PARD3B: variants seen among roughly 807,000 people sequenced by gnomAD.
The protein encoded by PARD3B is par-3 family cell polarity regulator beta, also known as partitioning defective 3 homolog B.
In PARD3B, 103 loss-of-function variants were observed where a neutral mutation model predicts 130.2. The observed-to-expected ratio is 0.79, with a 90% confidence interval of 0.67 to 0.93. PARD3B has a LOEUF of 0.93. PARD3B is among the 40% of genes least tolerant of loss of function. The pLI, the probability that PARD3B is intolerant of heterozygous loss-of-function variation, is 0.00. For synonymous variants in PARD3B, 583 were observed against 553.2 expected, an observed-to-expected ratio of 1.05 and a Z score of -0.76; for missense variants, 1,609 against 1,499.2, an observed-to-expected ratio of 1.07 and a Z score of -1.21.
intron 2 of PARD3B, among the ~76,000 whole-genome samples, chr2:204,827,077 C>T (rs1461473117): frequency 6.6e-6 from 1 of 152,066 alleles, no homozygotes; most frequent in Non-Finnish European, 1.5e-5. Context: ...ATGTGAAGCT[C>T]ATTGAGTTTT....
At chr2:205,170,785 T>C (rs2035126620) in intron 11 of PARD3B, among the ~76,000 whole-genome samples, 3 of 148,452 alleles carry the variant, frequency 2.0e-5, no homozygotes. Context: ...TCATTTCTTT[T>C]TTTTTTCTTT....
At chr2:204,700,376 C>T (rs1335812722) in intron 2 of PARD3B, among the ~76,000 whole-genome samples, 1 of 151,932 alleles carries the variant, frequency 6.6e-6, no homozygotes, top group East Asian at 1.9e-4. Context: ...TAATTTTGTA[C>T]AGTGAAAATA....
intron 16 of PARD3B, among the ~76,000 whole-genome samples, chr2:205,259,183 G>A (rs1319546115): frequency 6.6e-6 from 1 of 152,034 alleles, no homozygotes; most frequent in Non-Finnish European, 1.5e-5. Context: ...ACTTCTCCAA[G>A]TATTTACCAA....
Position 205,281,454 on chromosome 2 carries a change from G to A in PARD3B, c.2186-19076G>A, listed in dbSNP as rs1384755725. Among the ~76,000 whole-genome samples, 1 of 152,160 alleles carries A rather than the reference G, an allele frequency of 6.6e-6. No individual in the cohort carries two copies. Among genetic ancestry groups the A allele is most frequent in the Non-Finnish European group, 1.5e-5 (1 of 68,020 alleles). ...TCTCTGAAAACGAAGTTGAAAGAAA[G>A]AGACCTTGTTCCAGTGAACAGTTAG... On this transcript the variant is annotated intron_variant, in intron 16 of 22. Coordinates refer to ENST00000406610, the MANE Select transcript of PARD3B (RefSeq NM_001302769.2). The surrounding 1 kb of genome is among the most constrained non-coding windows in gnomAD (Gnocchi z 4.2).
chr2:205,471,353 CTTTT>C (rs769669913), intron 20 of PARD3B, among the ~76,000 whole-genome samples: 1 of 85,436 alleles, frequency 1.2e-5, no homozygotes, highest in Non-Finnish European at 2.3e-5. Flanking sequence ...ACTCACTTTT[CTTTT>C]TTTTTTTTTT....
In PARD3B at chr2:205,351,993, GAGTAGTAAGCTCTTTTATA is replaced by G. The variant is rs1210920789; in HGVS notation, c.2631-49017_2631-48999del. Among the ~76,000 whole-genome samples, 1 of 152,116 alleles carries G rather than the reference GAGTAGTAAGCTCTTTTATA, an allele frequency of 6.6e-6. No individual in the cohort carries two copies. The highest frequency in any genetic ancestry group is 1.5e-5 in the Non-Finnish European group (1 of 68,026). On this transcript the variant is annotated intron_variant, in intron 18 of 22. Transcript: ENST00000406610. This position sits in a 1 kb window ranked among gnomAD's most constrained non-coding sequence, Gnocchi z 4.2. ...GTTTCAAAGAAAACCATTCTTTTTG[GAGTAGTAAGCTCTTTTATA>G]AGGCTGAAATAGATGTGGAGTATTT...
At chr2:205,038,379 C>A (rs573503351) in intron 3 of PARD3B, among the ~76,000 whole-genome samples, 5 of 152,210 alleles carry the variant, frequency 3.3e-5, no homozygotes, top group Non-Finnish European at 7.4e-5. Context: ...TTGCACCAAA[C>A]CTCCTCTGTC....
At chr2:205,152,454 A>C (rs1255671588) in intron 10 of PARD3B, among the ~76,000 whole-genome samples, 4 of 151,918 alleles carry the variant, frequency 2.6e-5, no homozygotes, top group Non-Finnish European at 5.9e-5. Context: ...GGCTTTGTTC[A>C]TTTCTTTTTA....
intron 15 of PARD3B, among the ~76,000 whole-genome samples, chr2:205,201,460 C>G (rs966376563): frequency 2.0e-5 from 3 of 152,054 alleles, no homozygotes; most frequent in Admixed American, 2.0e-4. Flanking sequence ...AGAAAGAGAC[C>G]ATCATATATT....
At chr2:205,526,092 C>T (rs866478676) in intron 21 of PARD3B, among the ~76,000 whole-genome samples, 7 of 152,342 alleles carry the variant, frequency 4.6e-5, no homozygotes, top group Middle Eastern at 3.4e-3. Flanking sequence ...CTACATTGCT[C>T]ATCCATTTCA....
At chr2:205,445,392 AGGAAGCATGATGCT>A (rs2047872042) in intron 20 of PARD3B, among the ~76,000 whole-genome samples, 1 of 152,216 alleles carries the variant, frequency 6.6e-6, no homozygotes, top group Non-Finnish European at 1.5e-5. Flanking sequence ...CAGGCTGTCC[AGGAAGCATGATGCT>A]GGCATCAGCT....
chr2:204,975,665 T>G (rs2125190442), intron 3 of PARD3B, among the ~76,000 whole-genome samples: 1 of 152,366 alleles, frequency 6.6e-6, no homozygotes, highest in African/African-American at 2.4e-5. Flanking sequence ...TCTAAAGCTG[T>G]AGGCTGTACC....
Position 205,017,918 on chromosome 2 carries a change from A to G in PARD3B, c.395-29663A>G, listed in dbSNP as rs888726692. 2.0e-5 allele frequency among the ~76,000 whole-genome samples: 3 copies of G among 152,324 alleles called. No homozygotes were observed. The East Asian group carries it at 5.8e-4, about 29-fold the overall frequency. ...ATTAGTATAAGCAGAGGTGATGTTT[A>G]GGTGGTTACAGATAAGGAACTAGAA... On this transcript the variant is annotated intron_variant, in intron 3 of 22. Transcript: ENST00000406610.
At chr2:205,003,253 C>T (rs1344217684) in intron 3 of PARD3B, among the ~76,000 whole-genome samples, 1 of 152,220 alleles carries the variant, frequency 6.6e-6, no homozygotes. Context: ...TAATCCAGGA[C>T]AGTCTTCCTC....
intron 21 of PARD3B, among the ~76,000 whole-genome samples, chr2:205,529,316 C>T (rs2051476129): frequency 6.6e-6 from 1 of 152,142 alleles, no homozygotes; most frequent in Non-Finnish European, 1.5e-5. Flanking sequence ...CTTGAAACAA[C>T]CAGATGATCC....
intron 2 of PARD3B, among the ~76,000 whole-genome samples, chr2:204,722,042 G>A (rs770035865): frequency 6.6e-6 from 1 of 152,100 alleles, no homozygotes; most frequent in Non-Finnish European, 1.5e-5. Flanking sequence ...TGATACCTCT[G>A]TTAGATAATC....
chr2:205,505,850 G>A (rs2050341185), intron 21 of PARD3B, among the ~76,000 whole-genome samples: 1 of 152,060 alleles, frequency 6.6e-6, no homozygotes, highest in Admixed American at 6.6e-5. Context: ...GAGCTGAATA[G>A]CAGTATCATT....
chr2:205,068,071 C>G (rs547431466), intron 4 of PARD3B, among the ~76,000 whole-genome samples: 2 of 151,972 alleles, frequency 1.3e-5, no homozygotes, highest in South Asian at 4.2e-4. Flanking sequence ...TGGGTTTTCT[C>G]CCATTATCTG....
chr2:204,998,299 C>A (rs1694420361), intron 3 of PARD3B, among the ~76,000 whole-genome samples: 1 of 125,488 alleles, frequency 8.0e-6, no homozygotes, highest in Non-Finnish European at 1.6e-5. Context: ...GCACATGTAT[C>A]CCAGAACTTA....
Sources: allele counts gnomAD v4.1 joint callset (sites outside exome capture counted in the v4.1 genomes callset), GRCh38; gene constraint gnomAD v4.1.1; non-coding constraint Gnocchi (gnomAD v3.1); transcripts MANE v1.5; gene names NCBI Gene and HGNC (gene_info 2026-07-23, HGNC 2026-07-21).